PRCC: variants seen among roughly 807,000 people sequenced by gnomAD.
PRCC encodes the protein proline rich mitotic checkpoint control factor.
Under a neutral mutation model 44.0 loss-of-function variants are expected in PRCC, and 10 were observed. The ratio of observed to expected loss-of-function variants is 0.23; its 90% CI spans 0.14 to 0.39. PRCC has a LOEUF of 0.39. Among genes scored for constraint, PRCC ranks in the 10% least tolerant of loss-of-function variants. The probability of loss-of-function intolerance (pLI) is 1.00; values close to 1 mark genes in which losing one functional copy is unlikely to be tolerated. For synonymous variants in PRCC, 278 were observed against 259.5 expected (o/e 1.07, Z -0.69); for missense variants, 573 against 624.7 (o/e 0.92, Z 0.88).
At chr1:156,780,847 C>T (rs144815345) in intron 1 of PRCC, among the ~76,000 whole-genome samples, 1,980 of 152,218 alleles carry the variant, frequency 0.013, 19 homozygotes, top group Non-Finnish European at 0.019. Context: ...CCTGCCTCAG[C>T]CTCCCGAGTA....
intron 3 of PRCC, among the ~76,000 whole-genome samples, chr1:156,787,722 T>C (rs536944910): frequency 7.1e-6 from 1 of 140,048 alleles, no homozygotes; most frequent in Non-Finnish European, 1.5e-5. Flanking sequence ...CAATCTTGGC[T>C]CAGCTGCAAC....
At chr1:156,770,532 G>A (rs1199879946) in intron 1 of PRCC, among the ~76,000 whole-genome samples, 3 of 152,188 alleles carry the variant, frequency 2.0e-5, no homozygotes, top group Non-Finnish European at 4.4e-5. Context: ...GTGCCACCAC[G>A]CCCAGCTAAT....
At position 156,782,275 on chromosome 1, in the gene PRCC, C is replaced by G. The variant is rs1222178635; in HGVS notation, c.469-7C>G. On this transcript the variant is annotated splice_polypyrimidine_tract_variant and splice_region_variant and intron_variant, in intron 1 of 6. Transcript: ENST00000271526. ...GTGAGGCCTTACTTCATTTCTTTTT[C>G]TCTTAGTCAGATTCTGAGGAAGATG... The G allele has an allele frequency of 6.2e-7, 1 of 1,601,982 alleles. No individual in the cohort carries two copies. Among genetic ancestry groups the G allele is most frequent in the Non-Finnish European group, 8.6e-7 (1 of 1,169,556 alleles).
chr1:156,799,892 G>T (rs1252457010), intron 6 of PRCC, among the ~76,000 whole-genome samples: 1 of 151,560 alleles, frequency 6.6e-6, no homozygotes, highest in South Asian at 2.1e-4. Context: ...ACCACACACT[G>T]TATTCAACAC....
chr1:156,788,009 T>C (rs1387570003), intron 3 of PRCC, among the ~76,000 whole-genome samples: 1 of 152,154 alleles, frequency 6.6e-6, no homozygotes, highest in Non-Finnish European at 1.5e-5. Flanking sequence ...TTAATTTTTG[T>C]ATTTTTAGTA....
chr1:156,787,450 GATATATATATATATATATAT>G (rs57206380), intron 3 of PRCC, among the ~76,000 whole-genome samples: 1,677 of 124,864 alleles, frequency 0.013, 40 homozygotes, highest in African/African-American at 0.033. Context: ...ATTTGTGATT[GATATATATATATATATATAT>G]ATATATATAT....
chr1:156,795,322 C>G (rs1387389864), intron 5 of PRCC, among the ~76,000 whole-genome samples: 1 of 86,850 alleles, frequency 1.2e-5, no homozygotes, highest in Non-Finnish European at 2.0e-5. Context: ...GAGTCTCACT[C>G]TGTTGCCCAG....
At chr1:156,797,404 T>C (rs1267416802) in intron 6 of PRCC, 63 bp downstream of exon 6, 2 of 1,590,920 alleles carry the variant, frequency 1.3e-6, no homozygotes, top group African/African-American at 1.3e-5. Context: ...ATTTGAAGGC[T>C]GAGATACGAG....
At chr1:156,775,240 TC>T (rs1189434506) in intron 1 of PRCC, among the ~76,000 whole-genome samples, 2 of 151,862 alleles carry the variant, frequency 1.3e-5, no homozygotes, top group Non-Finnish European at 2.9e-5. Context: ...AGAGGGAGGC[TC>T]CATCTCAAAA....
chr1:156,797,062 T>G (rs1348121971), intron 5 of PRCC: 1 of 539,726 alleles, frequency 1.9e-6, no homozygotes, highest in Non-Finnish European at 3.3e-6. Context: ...GCAGGCTATT[T>G]CAGGCAAGTG....
rs569910150 is a variant in PRCC at position 156,781,373 on chromosome 1, G to A, written c.469-909G>A. On this transcript the variant is annotated intron_variant, in intron 1 of 6. Coordinates refer to ENST00000271526, the MANE Select transcript of PRCC (RefSeq NM_005973.5). The stretch of plus-strand genomic sequence containing the variant: ...GGATTTGAGTTCTCACAGAATCTTG[G>A]AGATGAATGGGATCTGAGATTTTGC... Among the ~76,000 whole-genome samples the A allele has an allele frequency of 3.3e-5, 5 of 152,352 alleles. No individual in the cohort carries two copies. In the South Asian group the frequency reaches 1.0e-3, roughly 32 times the overall value.
intron 5 of PRCC, 192 bp from the exon 6 acceptor site, chr1:156,797,084 G>A: frequency 1.7e-6 from 1 of 593,884 alleles, no homozygotes; most frequent in South Asian, 2.1e-5. Flanking sequence ...TCTGAGCTGG[G>A]TTTTTTGTAT....
Position 156,771,376 on chromosome 1 carries a change from G to A in PRCC, c.468+3137G>A, listed in dbSNP as rs77628468. On this transcript the variant is annotated intron_variant, in intron 1 of 6. Coordinates refer to ENST00000271526, the MANE Select transcript of PRCC (RefSeq NM_005973.5). ...AAGGCAAGAATTCTCTGATCACAGAGTGGTGAGAACCTTGGAGGGAGCAAG... is the reference window on the plus strand; with the variant it reads ...AAGGCAAGAATTCTCTGATCACAGAATGGTGAGAACCTTGGAGGGAGCAAG... 5.9e-3 allele frequency among the ~76,000 whole-genome samples: 903 copies of A among 152,346 alleles called. 10 individuals carry two copies. The highest frequency in any genetic ancestry group is 0.02 in the African/African-American group (845 of 41,578).
In PRCC at chr1:156,786,965, C is replaced by A. The variant is rs1361029108; in HGVS notation, c.874C>A (p.Pro292Thr). The A allele has an allele frequency of 1.2e-6, 2 of 1,614,204 alleles. No homozygotes were observed. The highest frequency in any genetic ancestry group is 1.6e-4 in the Middle Eastern group (1 of 6,062). The change falls in exon 3 of 7, where the codon CCT becomes ACT. Residue 292 changes from proline (P) to threonine (T), a missense_variant. Physicochemically the swap from Pro to Thr is conservative, Grantham distance 38. This residue lies in a region of PRCC where 141 missense variants were observed against 130.2 expected (regional missense o/e 1.08). Transcript: ENST00000271526. ...TGAGCCACCTGGAGTTGAGCCATAC[C>A]CTTACCCCATCCCCACTGTCCCTGA... The part of the protein sequence containing the change: ...KAEPPGVEPY[P>T]YPIPTVPEEL...
At chr1:156,800,328 T>C (rs1316125740) in intron 6 of PRCC, 46 bp from the exon 7 acceptor site, 1 of 1,585,344 alleles carries the variant, frequency 6.3e-7, no homozygotes, top group Non-Finnish European at 8.7e-7. Flanking sequence ...ACAGCGTTTC[T>C]CAGAATTCCA....
intron 1 of PRCC, among the ~76,000 whole-genome samples, chr1:156,779,908 T>G (rs2102759606): frequency 6.6e-6 from 1 of 151,852 alleles, no homozygotes; most frequent in Middle Eastern, 3.4e-3. Context: ...TTTTTTTTTT[T>G]TGAGACAGAG....
Position 156,767,968 on chromosome 1 carries a change from T to A in PRCC, c.197T>A (p.Leu66Gln). The A allele has an allele frequency of 6.3e-7, 1 of 1,578,970 alleles. No individual in the cohort carries two copies. Among genetic ancestry groups the A allele is most frequent in the Non-Finnish European group, 8.6e-7 (1 of 1,161,880 alleles). ...CTGGCGCCAGCCTTTCCCCCGCCGC[T>A]GTTGCTTCCCCCACCCACCGGAGAC... ...QMLAPAFPPPLLLPPPTGDPR... is the reference protein window; with the variant it reads ...QMLAPAFPPPQLLPPPTGDPR... Residue 66 changes from leucine to glutamine, a missense_variant, in exon 1 of 7, where the codon CTG becomes CAG. Coordinates refer to ENST00000271526, the MANE Select transcript of PRCC (RefSeq NM_005973.5).
chr1:156,774,813 G>A (rs576330112), intron 1 of PRCC, among the ~76,000 whole-genome samples: 5 of 151,892 alleles, frequency 3.3e-5, no homozygotes, highest in South Asian at 2.1e-4. Flanking sequence ...TTAGCTGGGC[G>A]TGGTGGCGCA....
At chr1:156,793,867 A>C (rs1297695320) in intron 4 of PRCC, among the ~76,000 whole-genome samples, 2 of 150,994 alleles carry the variant, frequency 1.3e-5, no homozygotes, top group African/African-American at 4.9e-5. Context: ...GGCTCAAGTG[A>C]TCCTTCCACC....
Sources: gnomAD v4.1 joint callset for allele counts (sites outside exome capture counted in the v4.1 genomes callset) on GRCh38, gnomAD v4.1.1 for gene constraint, gnomAD v4.1.1 regional missense constraint, MANE v1.5 for transcripts, NCBI Gene and HGNC (gene_info 2026-07-23, HGNC 2026-07-21) for gene names.